Variants in PRKCD observed in about 807,000 individuals in gnomAD.
PRKCD encodes protein kinase C delta type.
Under a neutral mutation model 82.2 loss-of-function variants are expected in PRKCD, and 20 were observed. The ratio of observed to expected loss-of-function variants is 0.24; its 90% CI spans 0.17 to 0.35. The LOEUF is 0.35. Ranked by LOEUF, PRKCD falls within the 10% of genes least tolerant of loss-of-function variation. The pLI is 1.00. For synonymous variants in PRKCD, 317 were observed against 337.0 expected (o/e 0.94, Z 0.65); for missense variants, 607 against 899.0 (o/e 0.68, Z 4.15).
intron 16 of PRKCD, 87 bp from the exon 17 acceptor site, chr3:53,188,968 TGAG>T: frequency 6.4e-7 from 1 of 1,574,378 alleles, no homozygotes; most frequent in Non-Finnish European, 8.6e-7. Flanking sequence ...GCCCATAGGC[TGAG>T]GCGGCCTGGC....
At chr3:53,161,974 G>T (rs981739601) in intron 1 of PRKCD, among the ~76,000 whole-genome samples, 49 of 150,530 alleles carry the variant, frequency 3.3e-4, no homozygotes, top group African/African-American at 1.2e-3. Context: ...TCTACCGCGG[G>T]GCCCAGGCCA....
At chr3:53,164,033 T>A (rs1398770701) in intron 1 of PRKCD, among the ~76,000 whole-genome samples, 1 of 152,198 alleles carries the variant, frequency 6.6e-6, no homozygotes, top group Non-Finnish European at 1.5e-5. Flanking sequence ...CAAGGATGCC[T>A]CTGCCCCCAG....
intron 4 of PRKCD, 41 bp from the exon 5 acceptor site, chr3:53,181,166 C>T (rs1553667354): frequency 1.2e-6 from 2 of 1,604,826 alleles, no homozygotes; most frequent in Non-Finnish European, 1.7e-6. Context: ...CCAGGCTGCC[C>T]TCACTGACCT....
intron 2 of PRKCD, among the ~76,000 whole-genome samples, chr3:53,174,567 C>T (rs1703153456): frequency 6.6e-6 from 1 of 152,178 alleles, no homozygotes; most frequent in Non-Finnish European, 1.5e-5. Context: ...GCCATACACT[C>T]TGAGAGGTAG....
rs1703425596 is a variant in PRKCD at position 53,181,193 on chromosome 3, C to T, written c.316-14C>T. 9 of 1,612,748 alleles carry T rather than the reference C, an allele frequency of 5.6e-6. 1 individual carries two copies. Among genetic ancestry groups the T allele is most frequent in the South Asian group, 5.5e-5 (5 of 90,836 alleles). On this transcript the variant is annotated splice_polypyrimidine_tract_variant and intron_variant, in intron 4 of 18. Transcript: ENST00000330452. ...CACTGACCTTGTTCTCCCCTGGCCTCTGGCCCCCAACAGCTGGACCTGCAG... is the reference window on the plus strand; with the variant it reads ...CACTGACCTTGTTCTCCCCTGGCCTTTGGCCCCCAACAGCTGGACCTGCAG...
intron 2 of PRKCD, among the ~76,000 whole-genome samples, chr3:53,174,817 C>T (rs1703161656): frequency 6.6e-6 from 1 of 152,178 alleles, no homozygotes; most frequent in Non-Finnish European, 1.5e-5. Context: ...ACCATGGCTC[C>T]CCAGTTCTCA....
intron 11 of PRKCD, 108 bp from the exon 12 acceptor site, chr3:53,185,819 G>C: frequency 1.3e-6 from 2 of 1,517,036 alleles, no homozygotes; most frequent in Non-Finnish European, 1.8e-6. Flanking sequence ...CCTGGGGAGC[G>C]AGCCCCTTCC....
At chr3:53,178,970 C>G (rs561604890) in intron 3 of PRKCD, among the ~76,000 whole-genome samples, 1 of 152,330 alleles carries the variant, frequency 6.6e-6, no homozygotes, top group Non-Finnish European at 1.5e-5. Flanking sequence ...AACCTGAGGT[C>G]AGGGAGGACT....
rs1703357442 is a variant in PRKCD at position 53,179,723 on chromosome 3, G to A, written c.262G>A (p.Val88Met). 1 of 1,603,086 alleles carries A rather than the reference G, an allele frequency of 6.2e-7. No homozygotes were observed. The highest frequency in any genetic ancestry group is 8.5e-7 in the Non-Finnish European group (1 of 1,173,614). ...GCCAGTGTCTGAGGTGACCGTGGGT[G>A]TGTCGGTGCTGGCCGAGCGCTGCAA... The part of the protein sequence containing the change: ...EEPVSEVTVG[V>M]SVLAERCKKN... Residue 88 changes from valine (V) to methionine (M), a missense_variant, in exon 4 of 19, where the codon GTG becomes ATG. Around this residue, in one of 5 missense-constraint regions of PRKCD, gnomAD observed 161 missense variants for 227.0 expected, o/e 0.71. Transcript: ENST00000330452.
chr3:53,168,242 G>C (rs1702896949), intron 2 of PRKCD, among the ~76,000 whole-genome samples: 1 of 152,198 alleles, frequency 6.6e-6, no homozygotes, highest in Admixed American at 6.5e-5. Context: ...TAGAAGAGTA[G>C]GGGGAGCTAG....
chr3:53,176,305 C>T (rs1306694394), intron 2 of PRKCD, among the ~76,000 whole-genome samples: 3 of 152,242 alleles, frequency 2.0e-5, no homozygotes, highest in Admixed American at 1.3e-4. Context: ...GGGTCCTGCT[C>T]TCTGCTTTGG....
chr3:53,183,628 G>A (rs1553668298), intron 9 of PRKCD, 47 bp downstream of exon 9: 1 of 1,604,584 alleles, frequency 6.2e-7, no homozygotes, highest in Admixed American at 1.7e-5. Context: ...ACTCCCAGCT[G>A]GTGCTGCTGT....
intron 4 of PRKCD, 110 bp from the exon 5 acceptor site, chr3:53,181,097 G>T (rs1362651502): frequency 6.6e-6 from 8 of 1,213,284 alleles, no homozygotes; most frequent in Admixed American, 6.3e-5. Context: ...CTAGGCCTTG[G>T]GGGGCTGCCT....
At chr3:53,191,016 C>T (rs1249366805) in intron 18 of PRKCD, among the ~76,000 whole-genome samples, 1 of 152,220 alleles carries the variant, frequency 6.6e-6, no homozygotes, top group Non-Finnish European at 1.5e-5. Context: ...GGGCTCTTAG[C>T]ACCAAGAGTG....
Position 53,188,877 on chromosome 3 carries a change from AGCCCCCC to A in PRKCD, c.1554+22_1554+28del, listed in dbSNP as rs1703813762. 6.2e-7 allele frequency: 1 copy of A among 1,613,164 alleles called. No homozygotes were observed. The highest frequency in any genetic ancestry group is 8.5e-7 in the Non-Finnish European group (1 of 1,179,530). ...CCCTGAGGTGAGCCGATACCCTTCCAGCCCCCCGCTCAGTCAGGCACCTTGCCTCCCC... is the reference window on the plus strand; with the variant it reads ...CCCTGAGGTGAGCCGATACCCTTCCAGCTCAGTCAGGCACCTTGCCTCCCC... On this transcript the variant is annotated intron_variant, in intron 16 of 18. Coordinates refer to ENST00000330452, the MANE Select transcript of PRKCD (RefSeq NM_006254.4).
At position 53,169,717 on chromosome 3, in the gene PRKCD, C is replaced by T. The variant is rs868979885; in HGVS notation, c.-20+4502C>T. 3.2e-4 allele frequency among the ~76,000 whole-genome samples: 48 copies of T among 152,278 alleles called. No individual in the cohort carries two copies. The highest frequency in any genetic ancestry group is 6.2e-4 in the South Asian group (3 of 4,824). On this transcript the variant is annotated intron_variant, in intron 2 of 18. Coordinates refer to ENST00000330452, the MANE Select transcript of PRKCD (RefSeq NM_006254.4). The surrounding 1 kb of genome is among the most constrained non-coding windows in gnomAD (Gnocchi z 4.7). The stretch of plus-strand genomic sequence containing the variant: ...GAGCCCCGGGAGGGGCAGTAGCTGG[C>T]CAGCCTCTGCCAGTGGACTCATGCT...
chr3:53,182,933 C>G (rs1703503675), intron 7 of PRKCD, among the ~76,000 whole-genome samples, 188 bp from the exon 8 acceptor site: 4 of 152,248 alleles, frequency 2.6e-5, no homozygotes, highest in African/African-American at 7.2e-5. Context: ...CCCGTCCTCT[C>G]CAGGCTCCTC....
At chr3:53,183,262 G>T in intron 8 of PRKCD, 56 bp downstream of exon 8, 1 of 1,594,196 alleles carries the variant, frequency 6.3e-7, no homozygotes, top group East Asian at 2.3e-5. Context: ...CAGATGGGAG[G>T]GATTTGCACC....
chr3:53,190,687 C>G (rs554016114), intron 18 of PRKCD, among the ~76,000 whole-genome samples: 6 of 152,338 alleles, frequency 3.9e-5, no homozygotes, highest in African/African-American at 1.4e-4. Flanking sequence ...TGTGTGGCCC[C>G]TCTGTGACCA....
Sources: gnomAD v4.1 joint callset for allele counts (sites outside exome capture counted in the v4.1 genomes callset) on GRCh38, gnomAD v4.1.1 for gene constraint, gnomAD v4.1.1 regional missense constraint, Gnocchi (gnomAD v3.1) non-coding constraint, MANE v1.5 for transcripts, NCBI Gene and HGNC (gene_info 2026-07-23, HGNC 2026-07-21) for gene names.